RABGAP1L: variants seen among roughly 807,000 people sequenced by gnomAD.
RABGAP1L encodes the protein rab GTPase-activating protein 1-like.
RABGAP1L carries 63 observed loss-of-function variants against 137.7 expected under a neutral mutation model. The ratio of observed to expected loss-of-function variants is 0.46; its 90% CI spans 0.37 to 0.56. The LOEUF (loss-of-function observed/expected upper bound fraction) is 0.56, where lower values mean the gene tolerates loss of function less well. Ranked by LOEUF, RABGAP1L falls within the 20% of genes least tolerant of loss-of-function variation. The pLI, the probability that RABGAP1L is intolerant of heterozygous loss-of-function variation, is 0.00. For synonymous variants in RABGAP1L, 431 were observed against 433.7 expected (o/e 0.99, Z 0.08); for missense variants, 1,095 against 1,244.0 (o/e 0.88, Z 1.80).
chr1:174,744,400 A>G (rs1683705170), intron 17 of RABGAP1L, among the ~76,000 whole-genome samples: 2 of 152,214 alleles, frequency 1.3e-5, no homozygotes, highest in African/African-American at 4.8e-5. Context: ...TCTTTGAAAC[A>G]ATGCATTGCT....
chr1:174,843,769 T>C (rs4652829), intron 19 of RABGAP1L, among the ~76,000 whole-genome samples: 38,850 of 100,232 alleles, frequency 0.39, 9,378 homozygotes, highest in Non-Finnish European at 0.52. Context: ...GGTCAAATGG[T>C]ATTTCTAGTT....
At chr1:174,427,246 G>T (rs1652072310) in intron 13 of RABGAP1L, among the ~76,000 whole-genome samples, 1 of 151,724 alleles carries the variant, frequency 6.6e-6, no homozygotes. Flanking sequence ...GCTGCTTAGT[G>T]GGCCAAAAAT....
At chr1:174,600,800 G>A (rs1350626901) in intron 13 of RABGAP1L, among the ~76,000 whole-genome samples, 2 of 152,184 alleles carry the variant, frequency 1.3e-5, no homozygotes, top group East Asian at 1.9e-4. Context: ...GGCACATGGT[G>A]CAAACTGTCC....
At chr1:174,264,569 A>G (rs1673890353) in intron 7 of RABGAP1L, among the ~76,000 whole-genome samples, 1 of 152,178 alleles carries the variant, frequency 6.6e-6, no homozygotes, top group Admixed American at 6.5e-5. Flanking sequence ...AAACTAAAAA[A>G]TCAAGTTTGA....
Position 174,512,165 on chromosome 1 carries a change from CAAAG to C in RABGAP1L, c.1710+118023_1710+118026del, listed in dbSNP as rs534769747. Among the ~76,000 whole-genome samples the C allele has an allele frequency of 3.9e-5, 6 of 152,104 alleles. No individual in the cohort carries two copies. In the South Asian group the frequency reaches 6.2e-4, roughly 16 times the overall value. ...CTTATTTCTAACTAGTTAGGAAAAA[CAAAG>C]AATTCTTCATTATATTTATGCACAA... On this transcript the variant is annotated intron_variant, in intron 13 of 25. Transcript: ENST00000681986.
At chr1:174,295,371 C>T (rs900097173) in intron 10 of RABGAP1L, among the ~76,000 whole-genome samples, 3 of 151,942 alleles carry the variant, frequency 2.0e-5, no homozygotes, top group African/African-American at 7.3e-5. Flanking sequence ...TGCCACCACA[C>T]CTGGCTAGTT....
At chr1:174,189,939 A>C (rs1276965758) in intron 1 of RABGAP1L, among the ~76,000 whole-genome samples, 2 of 152,202 alleles carry the variant, frequency 1.3e-5, no homozygotes, top group Admixed American at 1.3e-4. Flanking sequence ...GAGCTAGCAT[A>C]TTCAGCCTCT....
intron 13 of RABGAP1L, among the ~76,000 whole-genome samples, chr1:174,544,425 T>C (rs1037673691): frequency 3.3e-5 from 5 of 152,186 alleles, no homozygotes; most frequent in Non-Finnish European, 7.3e-5. Flanking sequence ...TGTAGTTCTC[T>C]TGCCATGGTT....
intron 13 of RABGAP1L, among the ~76,000 whole-genome samples, chr1:174,459,713 G>A (rs547316462): frequency 1.3e-5 from 2 of 152,162 alleles, no homozygotes; most frequent in South Asian, 4.1e-4. Flanking sequence ...TTTTCAAGCA[G>A]TGGTTGGTTG....
chr1:174,812,744 GA>G (rs1360054260), intron 19 of RABGAP1L, among the ~76,000 whole-genome samples: 1 of 152,182 alleles, frequency 6.6e-6, no homozygotes, highest in Admixed American at 6.5e-5. Context: ...AAAAAAAAGA[GA>G]GTAGGGGAAG....
At chr1:174,172,176 T>TTGTGTGTGTGTGTG (rs34345014) in intron 1 of RABGAP1L, among the ~76,000 whole-genome samples, 8 of 123,580 alleles carry the variant, frequency 6.5e-5, no homozygotes, top group African/African-American at 2.4e-4. Flanking sequence ...TAATATTCCC[T>TTGTGTGTGTGTGTG]TGTGTGTGTG....
chr1:174,703,502 C>T (rs1009419646), intron 17 of RABGAP1L, among the ~76,000 whole-genome samples: 5 of 152,120 alleles, frequency 3.3e-5, no homozygotes, highest in African/African-American at 4.8e-5. Flanking sequence ...GGACACTTAA[C>T]GCTGATTTTG....
chr1:174,465,990 C>G (rs1657254528), intron 13 of RABGAP1L, among the ~76,000 whole-genome samples: 1 of 152,218 alleles, frequency 6.6e-6, no homozygotes, highest in East Asian at 1.9e-4. Context: ...CCGCAGTATT[C>G]TCTTGCTCAG....
At chr1:174,602,409 C>G (rs1036682290) in intron 13 of RABGAP1L, among the ~76,000 whole-genome samples, 3 of 152,086 alleles carry the variant, frequency 2.0e-5, no homozygotes, top group African/African-American at 7.2e-5. Context: ...AGGGGAAACT[C>G]GTGAGACTTA....
At chr1:174,331,798 G>C (rs1236148081) in intron 11 of RABGAP1L, among the ~76,000 whole-genome samples, 1 of 151,750 alleles carries the variant, frequency 6.6e-6, no homozygotes, top group African/African-American at 2.4e-5. Context: ...TTTAGCATTA[G>C]GTATATCTCC....
chr1:174,258,044 A>C (rs541232499), intron 7 of RABGAP1L, among the ~76,000 whole-genome samples: 60 of 152,330 alleles, frequency 3.9e-4, no homozygotes, highest in African/African-American at 1.3e-3. Context: ...CCAAATGTTA[A>C]TTGACTAAGA....
At chr1:174,649,773 A>G (rs1409140414) in intron 14 of RABGAP1L, among the ~76,000 whole-genome samples, 1 of 152,186 alleles carries the variant, frequency 6.6e-6, no homozygotes, top group Non-Finnish European at 1.5e-5. Flanking sequence ...CAATGATGTC[A>G]TCTGCAAACG....
At chr1:174,706,237 G>A (rs1680036998) in intron 17 of RABGAP1L, among the ~76,000 whole-genome samples, 1 of 152,112 alleles carries the variant, frequency 6.6e-6, no homozygotes, top group Non-Finnish European at 1.5e-5. Context: ...CAGCCTGACT[G>A]AACAACTGCT....
At chr1:174,660,832 C>T (rs1676323381) in intron 14 of RABGAP1L, among the ~76,000 whole-genome samples, 2 of 152,204 alleles carry the variant, frequency 1.3e-5, no homozygotes, top group South Asian at 4.1e-4. Flanking sequence ...ATTGGAACCT[C>T]TTCTTAGCTC....
Sources: gnomAD v4.1 joint callset for allele counts (sites outside exome capture counted in the v4.1 genomes callset) on GRCh38, gnomAD v4.1.1 for gene constraint, MANE v1.5 for transcripts, NCBI Gene and HGNC (gene_info 2026-07-23, HGNC 2026-07-21) for gene names.